The following CD226 variants were observed in gnomAD, a reference collection of about 807,000 sequenced individuals.
The protein encoded by CD226 is CD226 antigen.
A neutral mutation model predicts 34.9 loss-of-function variants in CD226; 24 were observed. The observed-to-expected ratio is 0.69, with a 90% CI of 0.50 to 0.97. The LOEUF (loss-of-function observed/expected upper bound fraction) is 0.97, where lower values mean the gene tolerates loss of function less well. Among genes scored for constraint, CD226 ranks in the 50% least tolerant of loss-of-function variants. The probability of loss-of-function intolerance (pLI) is 0.00; values close to 1 mark genes in which losing one functional copy is unlikely to be tolerated. For synonymous variants in CD226, 148 were observed against 147.4 expected (o/e 1.00, Z -0.03); for missense variants, 397 against 412.7 (o/e 0.96, Z 0.33).
At chr18:69,916,278 T>C (rs1307858067) in intron 2 of CD226, among the ~76,000 whole-genome samples, 1 of 152,210 alleles carries the variant, frequency 6.6e-6, no homozygotes, top group South Asian at 2.1e-4. Context: ...TATAAAATCA[T>C]GTAAGAGTAA....
chr18:69,902,051 A>C (rs917530967), intron 2 of CD226, among the ~76,000 whole-genome samples: 1 of 152,174 alleles, frequency 6.6e-6, no homozygotes, highest in African/African-American at 2.4e-5. Context: ...AAATATACTG[A>C]AGTAGCTTTC....
At chr18:69,884,116 G>T (rs1177794152) in intron 3 of CD226, among the ~76,000 whole-genome samples, 1 of 152,186 alleles carries the variant, frequency 6.6e-6, no homozygotes. Flanking sequence ...GTTCTCACAT[G>T]CCCACAGAGA....
At chr18:69,903,081 C>T (rs567592953) in intron 2 of CD226, among the ~76,000 whole-genome samples, 5 of 152,188 alleles carry the variant, frequency 3.3e-5, no homozygotes, top group African/African-American at 1.2e-4. Flanking sequence ...GCAACAAAGT[C>T]CAGAAAGTGG....
chr18:69,945,865 C>T (rs968602796), intron 2 of CD226, among the ~76,000 whole-genome samples: 2 of 152,084 alleles, frequency 1.3e-5, no homozygotes, highest in African/African-American at 2.4e-5. Flanking sequence ...TCACGTCTTA[C>T]ATGGATGGCA....
At chr18:69,919,650 C>T (rs2055427425) in intron 2 of CD226, among the ~76,000 whole-genome samples, 1 of 152,156 alleles carries the variant, frequency 6.6e-6, no homozygotes, top group African/African-American at 2.4e-5. Flanking sequence ...AGGCAAAGCA[C>T]ATTTTCATCT....
At chr18:69,930,531 C>T (rs1460172117) in intron 2 of CD226, among the ~76,000 whole-genome samples, 2 of 135,014 alleles carry the variant, frequency 1.5e-5, no homozygotes, top group African/African-American at 2.7e-5. Flanking sequence ...GTCTAAGCAA[C>T]GTGAACTCTG....
chr18:69,896,178 C>T (rs1039823740), intron 2 of CD226, 133 bp from the exon 3 acceptor site: 32 of 1,362,762 alleles, frequency 2.3e-5, no homozygotes, highest in South Asian at 1.1e-4. Flanking sequence ...CCTCTTTATA[C>T]TACTTTTTTT....
chr18:69,910,828 T>C (rs1051937970), intron 2 of CD226, among the ~76,000 whole-genome samples: 2 of 152,160 alleles, frequency 1.3e-5, no homozygotes, highest in Admixed American at 6.5e-5. Context: ...TAAAGATTAT[T>C]AGAAGGGTAA....
At chr18:69,915,718 G>A (rs2055377863) in intron 2 of CD226, among the ~76,000 whole-genome samples, 1 of 152,124 alleles carries the variant, frequency 6.6e-6, no homozygotes, top group Non-Finnish European at 1.5e-5. Flanking sequence ...CTTCCCCGAA[G>A]TCTGCAATTT....
At chr18:69,903,198 G>T (rs557863839) in intron 2 of CD226, among the ~76,000 whole-genome samples, 1 of 152,272 alleles carries the variant, frequency 6.6e-6, no homozygotes, top group South Asian at 2.1e-4. Flanking sequence ...GGATGCCTTT[G>T]CCTGCCTCAT....
At chr18:69,871,569 C>A (rs1983523395) in intron 4 of CD226, among the ~76,000 whole-genome samples, 1 of 152,176 alleles carries the variant, frequency 6.6e-6, no homozygotes, top group African/African-American at 2.4e-5. Flanking sequence ...ATGGTGACAT[C>A]ATGTCTATTT....
intron 5 of CD226, 101 bp from the exon 6 acceptor site, chr18:69,864,540 G>C: frequency 8.9e-7 from 1 of 1,118,912 alleles, no homozygotes; most frequent in Non-Finnish European, 1.3e-6. Flanking sequence ...CATGATATGG[G>C]ACAAGTTTCC....
Position 69,863,097 on chromosome 18 carries a change from T to C in CD226, c.*1217A>G, listed in dbSNP as rs1215894312. 1.3e-5 allele frequency: 2 copies of C among 152,222 alleles called. No homozygotes were observed. The highest frequency in any genetic ancestry group is 2.9e-5 in the Non-Finnish European group (2 of 68,032). The allele number at this position is 152,222 out of a possible 1,614,324, so 9.4% of individuals were successfully genotyped here. A position where few individuals can be genotyped will look rare whatever the true frequency, so the allele number is the denominator to read the frequency against. On this transcript the variant is annotated 3_prime_UTR_variant, in exon 6 of 6. Transcript: ENST00000582621. Reference sequence around the variant, plus strand: ...GTCATTAGGGCTGTCTTTGTCTGAATAGTGAAGCAGAAGTTTCCCTTTGTA... The same window carrying C: ...GTCATTAGGGCTGTCTTTGTCTGAACAGTGAAGCAGAAGTTTCCCTTTGTA...
intron 2 of CD226, among the ~76,000 whole-genome samples, chr18:69,911,697 T>C (rs7243275): frequency 0.016 from 2,394 of 152,316 alleles, 36 homozygotes; most frequent in African/African-American, 0.035. Context: ...ACCACACTTA[T>C]CTGCCCCATG....
upstream of CD226, among the ~76,000 whole-genome samples, chr18:69,950,604 A>AG (rs542081142): frequency 3.7e-4 from 56 of 152,274 alleles, no homozygotes; most frequent in East Asian, 9.7e-3. Flanking sequence ...GGGTGTGGCC[A>AG]GGTGTGTGAA....
chr18:69,873,360 T>G (rs528840215), intron 3 of CD226, 114 bp from the exon 4 acceptor site: 1 of 591,822 alleles, frequency 1.7e-6, no homozygotes, highest in Non-Finnish European at 3.0e-6. Flanking sequence ...AAACAAAGAA[T>G]CCAACAAAAA....
intron 2 of CD226, among the ~76,000 whole-genome samples, chr18:69,910,048 T>C (rs1418546457): frequency 1.3e-5 from 2 of 152,114 alleles, no homozygotes; most frequent in Non-Finnish European, 2.9e-5. Flanking sequence ...TGAATGAGAG[T>C]TGAACAGGAA....
upstream of CD226, among the ~76,000 whole-genome samples, chr18:69,950,254 ACTCTGT>A (rs1348236289): frequency 6.6e-6 from 1 of 151,654 alleles, no homozygotes; most frequent in Non-Finnish European, 1.5e-5. Context: ...ACTCTCACAC[ACTCTGT>A]CTCTCTCTCT....
At position 69,895,840 on chromosome 18, in the gene CD226, C is replaced by T. The variant is rs1598983913; in HGVS notation, c.588G>A (p.Val196=). The T allele has an allele frequency of 6.2e-7, 1 of 1,614,202 alleles. No homozygotes were observed. Among genetic ancestry groups the T allele is most frequent in the Non-Finnish European group, 8.5e-7 (1 of 1,180,038 alleles). ...NFTSKFPRQI[V]SNCSHGRWSV... ...TCCACCTTCCGTGGCTGCAGTTGCT[C>T]ACTATTTGTCTTGGGAACTTGGAGG... is the stretch of plus-strand genomic sequence containing the variant. The change falls in exon 3 of 6, where the codon GTG becomes GTA. Residue 196 remains valine, a synonymous_variant. Transcript: ENST00000582621.
Sources: allele counts gnomAD v4.1 joint callset (sites outside exome capture counted in the v4.1 genomes callset), GRCh38; gene constraint gnomAD v4.1.1; transcripts MANE v1.5; gene names NCBI Gene and HGNC (gene_info 2026-07-23, HGNC 2026-07-21).